ROBO1: variants seen among roughly 807,000 people sequenced by gnomAD.
ROBO1 encodes roundabout homolog 1.
ROBO1 carries 149 observed loss-of-function variants against 195.9 expected under a neutral mutation model. The ratio of observed to expected loss-of-function variants is 0.76; its 90% confidence interval spans 0.67 to 0.87. The LOEUF (loss-of-function observed/expected upper bound fraction) is 0.87, where lower values mean the gene tolerates loss of function less well. Ranked by LOEUF, ROBO1 falls within the 40% of genes least tolerant of loss-of-function variation. ROBO1 has a pLI of 0.00. For synonymous variants in ROBO1, 816 were observed against 733.2 expected (o/e 1.11, Z -1.82); for missense variants, 1,933 against 2,068.3 (o/e 0.93, Z 1.27).
intron 3 of ROBO1, among the ~76,000 whole-genome samples, chr3:79,120,394 T>C (rs951097873): frequency 2.0e-5 from 3 of 152,170 alleles, no homozygotes; most frequent in Non-Finnish European, 4.4e-5. Context: ...GTGTCCTATG[T>C]TGAAGGAAAA....
At chr3:79,041,342 T>A (rs891870687) in intron 3 of ROBO1, among the ~76,000 whole-genome samples, 4 of 152,186 alleles carry the variant, frequency 2.6e-5, no homozygotes, top group African/African-American at 4.8e-5. Flanking sequence ...TCTTTGTATA[T>A]CCAAGACTTG....
chr3:79,625,517 C>A (rs1428505825), intron 1 of ROBO1, among the ~76,000 whole-genome samples: 1 of 130,440 alleles, frequency 7.7e-6, no homozygotes, highest in Non-Finnish European at 1.6e-5. Context: ...TTTAAAAAGA[C>A]AAAGGAATAT....
chr3:79,711,881 T>A (rs920106886), intron 1 of ROBO1, among the ~76,000 whole-genome samples: 2 of 124,952 alleles, frequency 1.6e-5, no homozygotes, highest in Admixed American at 2.2e-4. Flanking sequence ...TAATCTGTGA[T>A]CAGTAAACTT....
intron 19 of ROBO1, among the ~76,000 whole-genome samples, chr3:78,650,312 C>G (rs886131398): frequency 6.6e-6 from 1 of 152,104 alleles, no homozygotes; most frequent in African/African-American, 2.4e-5. Flanking sequence ...TATTGACATA[C>G]TGCTTCATCC....
intron 2 of ROBO1, among the ~76,000 whole-genome samples, chr3:79,519,553 T>A (rs1406849351): frequency 2.3e-5 from 3 of 130,928 alleles, no homozygotes; most frequent in African/African-American, 8.8e-5. Flanking sequence ...GGCGTGAACC[T>A]GGGAGACAGA....
At chr3:79,299,495 T>A (rs148203214) in intron 2 of ROBO1, among the ~76,000 whole-genome samples, 1 of 152,330 alleles carries the variant, frequency 6.6e-6, no homozygotes, top group Non-Finnish European at 1.5e-5. Context: ...CTATGCATGC[T>A]GTAATATATG....
At chr3:78,720,870 C>T (rs1187132022) in intron 5 of ROBO1, among the ~76,000 whole-genome samples, 3 of 151,372 alleles carry the variant, frequency 2.0e-5, no homozygotes, top group Non-Finnish European at 4.4e-5. Context: ...CACATGTTCT[C>T]ACTCATAGGT....
At chr3:79,620,444 C>G (rs80210027) in intron 1 of ROBO1, among the ~76,000 whole-genome samples, 2,377 of 152,236 alleles carry the variant, frequency 0.016, 58 homozygotes, top group African/African-American at 0.055. Context: ...CCCTTGCCTC[C>G]ATAACTGTTG....
At chr3:79,690,144 C>G (rs193253451) in intron 1 of ROBO1, among the ~76,000 whole-genome samples, 3 of 151,868 alleles carry the variant, frequency 2.0e-5, no homozygotes, top group Admixed American at 6.6e-5. Context: ...CCGCTCCCCC[C>G]ACCCCAAAAA....
intron 2 of ROBO1, among the ~76,000 whole-genome samples, chr3:79,421,168 C>T (rs1182479267): frequency 6.6e-6 from 1 of 151,990 alleles, no homozygotes; most frequent in Non-Finnish European, 1.5e-5. Context: ...GAGAGCTTTA[C>T]ACTGAGTACA....
At chr3:79,303,161 T>TG (rs2033051809) in intron 2 of ROBO1, among the ~76,000 whole-genome samples, 2 of 135,420 alleles carry the variant, frequency 1.5e-5, no homozygotes, top group Non-Finnish European at 3.1e-5. Flanking sequence ...CTCACATAGG[T>TG]TTTTTTTTTT....
chr3:79,379,897 C>T (rs2109365919), intron 2 of ROBO1, among the ~76,000 whole-genome samples: 1 of 152,282 alleles, frequency 6.6e-6, no homozygotes, highest in Admixed American at 6.5e-5. Context: ...TTTTAGCAAG[C>T]ACTCAAGGTG....
intron 4 of ROBO1, among the ~76,000 whole-genome samples, chr3:78,881,215 G>A (rs1277943295): frequency 1.3e-5 from 2 of 152,170 alleles, no homozygotes; most frequent in Non-Finnish European, 2.9e-5. Flanking sequence ...AGGATTCTGA[G>A]CTGTACGAAG....
intron 3 of ROBO1, among the ~76,000 whole-genome samples, chr3:79,064,561 T>C (rs564261404): frequency 1.3e-5 from 2 of 152,072 alleles, no homozygotes; most frequent in South Asian, 4.1e-4. Flanking sequence ...GGGGCTTCAT[T>C]ATGTTGCTCG....
chr3:78,900,754 A>AAT (rs536341550), intron 4 of ROBO1, among the ~76,000 whole-genome samples: 97 of 151,936 alleles, frequency 6.4e-4, no homozygotes, highest in African/African-American at 2.1e-3. Context: ...AAAACAAAAA[A>AAT]ATATATATAT....
At chr3:79,264,063 T>C (rs138552004) in intron 2 of ROBO1, among the ~76,000 whole-genome samples, 2,391 of 152,154 alleles carry the variant, frequency 0.016, 24 homozygotes, top group Middle Eastern at 0.027. Context: ...CTTTCACACA[T>C]GCCCTATTGG....
At chr3:79,480,285 G>A (rs1364076886) in intron 2 of ROBO1, among the ~76,000 whole-genome samples, 1 of 152,122 alleles carries the variant, frequency 6.6e-6, no homozygotes, top group East Asian at 1.9e-4. Flanking sequence ...TTGATTCTTT[G>A]ATGCAGTGAA....
chr3:79,223,719 T>TA (rs1349192196), intron 2 of ROBO1, among the ~76,000 whole-genome samples: 1 of 152,180 alleles, frequency 6.6e-6, no homozygotes, highest in African/African-American at 2.4e-5. Context: ...AATGTGAAAT[T>TA]AGTGATGAAT....
intron 2 of ROBO1, among the ~76,000 whole-genome samples, chr3:79,519,413 G>A (rs1363064699): frequency 1.3e-5 from 2 of 151,846 alleles, no homozygotes. Flanking sequence ...GGTGGATCAC[G>A]AGGTCAGGAG....
Sources: allele counts gnomAD v4.1 joint callset (sites outside exome capture counted in the v4.1 genomes callset), GRCh38; gene constraint gnomAD v4.1.1; transcripts MANE v1.5; gene names NCBI Gene and HGNC (gene_info 2026-07-23, HGNC 2026-07-21).